PITPNC1: variants seen among roughly 807,000 people sequenced by gnomAD.
The protein encoded by PITPNC1 is cytoplasmic phosphatidylinositol transfer protein 1.
In PITPNC1, 18 loss-of-function variants were observed where a neutral mutation model predicts 44.7. The observed-to-expected ratio is 0.40, with a 90% CI of 0.28 to 0.60. PITPNC1 has a LOEUF of 0.60. Among genes scored for constraint, PITPNC1 ranks in the 20% least tolerant of loss-of-function variants. The pLI is 0.39. For missense variants in PITPNC1, 290 were observed against 418.4 expected, an observed-to-expected ratio of 0.69 and a Z score of 2.68; for synonymous variants, 141 against 149.6, an observed-to-expected ratio of 0.94 and a Z score of 0.42.
At chr17:67,455,839 T>A (rs748632636) in intron 1 of PITPNC1, among the ~76,000 whole-genome samples, 1 of 152,194 alleles carries the variant, frequency 6.6e-6, no homozygotes, top group Non-Finnish European at 1.5e-5. Flanking sequence ...GGAGCACTGT[T>A]GTTTCAATGC....
chr17:67,510,512 C>T (rs2040170925), intron 1 of PITPNC1, among the ~76,000 whole-genome samples: 1 of 152,226 alleles, frequency 6.6e-6, no homozygotes, highest in Non-Finnish European at 1.5e-5. Context: ...TCTCTAATGC[C>T]TCAAGCCCTT....
intron 1 of PITPNC1, among the ~76,000 whole-genome samples, chr17:67,380,204 A>G (rs1286385824): frequency 2.0e-5 from 3 of 151,864 alleles, no homozygotes; most frequent in African/African-American, 7.3e-5. Context: ...CCTCCTGAGT[A>G]GCTGAGATTA....
At chr17:67,447,747 T>C (rs1034892292) in intron 1 of PITPNC1, among the ~76,000 whole-genome samples, 1 of 150,150 alleles carries the variant, frequency 6.7e-6, no homozygotes. Context: ...GTCCTTGGAA[T>C]GGTGGAAGCC....
chr17:67,640,967 G>A (rs1291372474), intron 6 of PITPNC1, among the ~76,000 whole-genome samples: 1 of 152,074 alleles, frequency 6.6e-6, no homozygotes, highest in Non-Finnish European at 1.5e-5. Context: ...TCCAGGCTGG[G>A]TGACAGGGCC....
At chr17:67,644,774 A>G (rs1294206455) in intron 6 of PITPNC1, among the ~76,000 whole-genome samples, 2 of 152,190 alleles carry the variant, frequency 1.3e-5, no homozygotes, top group South Asian at 2.1e-4. Context: ...CAAGTTGCTC[A>G]TAACTGGGGC....
chr17:67,389,992 T>A (rs577530485), intron 1 of PITPNC1, among the ~76,000 whole-genome samples: 1 of 152,168 alleles, frequency 6.6e-6, no homozygotes, highest in Admixed American at 6.5e-5. Flanking sequence ...GCTGTTTTTT[T>A]AGAAATAGAA....
At chr17:67,571,565 C>T (rs2041058408) in intron 4 of PITPNC1, among the ~76,000 whole-genome samples, 1 of 152,210 alleles carries the variant, frequency 6.6e-6, no homozygotes, top group Non-Finnish European at 1.5e-5. Context: ...AAGGCATCAA[C>T]CAAGGTTCTA....
Position 67,431,646 on chromosome 17 carries a change from C to T in PITPNC1, c.48+53444C>T, listed in dbSNP as rs541939602. Among the ~76,000 whole-genome samples, 92 of 152,226 alleles carry T rather than the reference C, an allele frequency of 6.0e-4. 2 individuals are homozygous for T. The South Asian group carries it at 0.019, about 31-fold the overall frequency. On this transcript the variant is annotated intron_variant, in intron 1 of 8. Transcript: ENST00000581322. ...CTCATGTGCCTTCTGTTTAATTACA[C>T]GGTAATTTGTAAAAGAGACTGGTTT...
At chr17:67,384,689 T>G (rs1452593792) in intron 1 of PITPNC1, among the ~76,000 whole-genome samples, 1 of 152,158 alleles carries the variant, frequency 6.6e-6, no homozygotes, top group Non-Finnish European at 1.5e-5. Context: ...CCTCCCAAAG[T>G]GCTGGGATTA....
intron 1 of PITPNC1, among the ~76,000 whole-genome samples, chr17:67,402,859 G>A (rs12941862): frequency 0.047 from 7,095 of 152,142 alleles, 237 homozygotes; most frequent in Non-Finnish European, 0.071. Flanking sequence ...TAGAGACAGA[G>A]TTTCACCATG....
chr17:67,641,783 AAAT>A (rs151024440), intron 6 of PITPNC1, among the ~76,000 whole-genome samples: 11,222 of 135,830 alleles, frequency 0.083, 561 homozygotes, highest in African/African-American at 0.15. Flanking sequence ...CCCTACCTCA[AAAT>A]AATAATAATA....
intron 4 of PITPNC1, among the ~76,000 whole-genome samples, chr17:67,560,952 T>C (rs1440516464): frequency 6.6e-6 from 1 of 152,250 alleles, no homozygotes; most frequent in African/African-American, 2.4e-5. Context: ...TAAGAAATTC[T>C]CCTTTTCTTC....
chr17:67,655,536 G>GGAGATAAGAGCAAGACCCTGTTGC (rs2042254343), intron 6 of PITPNC1, among the ~76,000 whole-genome samples: 2 of 116,796 alleles, frequency 1.7e-5, no homozygotes, highest in South Asian at 2.9e-4. Flanking sequence ...CTCCAGCCTG[G>GGAGATAAGAGCAAGACCCTGTTGC]ACAACAGAGA....
chr17:67,422,618 G>T (rs547554891), intron 1 of PITPNC1, among the ~76,000 whole-genome samples: 21 of 152,116 alleles, frequency 1.4e-4, no homozygotes, highest in African/African-American at 5.1e-4. Flanking sequence ...TGTGATCTCG[G>T]CTCACTGCAA....
At chr17:67,582,033 CAAAAA>C (rs1311679337) in intron 5 of PITPNC1, among the ~76,000 whole-genome samples, 3 of 147,652 alleles carry the variant, frequency 2.0e-5, no homozygotes, top group Non-Finnish European at 4.5e-5. Flanking sequence ...AACTCTGTCT[CAAAAA>C]AAAAGAAAAG....
intron 1 of PITPNC1, among the ~76,000 whole-genome samples, chr17:67,390,324 G>A (rs2038119977): frequency 1.3e-5 from 2 of 152,178 alleles, no homozygotes; most frequent in Non-Finnish European, 2.9e-5. Context: ...GGCTGCAGGG[G>A]TCTGTGGAAC....
intron 4 of PITPNC1, among the ~76,000 whole-genome samples, chr17:67,557,919 G>A (rs2040860163): frequency 6.6e-6 from 1 of 152,186 alleles, no homozygotes; most frequent in Non-Finnish European, 1.5e-5. Context: ...ACTTCCCCAA[G>A]GTCAGAGCCC....
At chr17:67,552,450 A>G in intron 3 of PITPNC1, 105 bp downstream of exon 3, 20 of 709,528 alleles carry the variant, frequency 2.8e-5, no homozygotes, top group South Asian at 4.9e-5. Flanking sequence ...GCCTTGTGGG[A>G]GCCCCGTAGT....
intron 6 of PITPNC1, among the ~76,000 whole-genome samples, chr17:67,646,047 C>A (rs1173431802): frequency 4.6e-5 from 7 of 152,170 alleles, no homozygotes; most frequent in Non-Finnish European, 1.0e-4. Context: ...ATCACTTGAA[C>A]CTGGGAGGTG....
Sources: allele counts gnomAD v4.1 joint callset (sites outside exome capture counted in the v4.1 genomes callset), GRCh38; gene constraint gnomAD v4.1.1; transcripts MANE v1.5; gene names NCBI Gene and HGNC (gene_info 2026-07-23, HGNC 2026-07-21).